Variants in VANGL1 observed in about 807,000 individuals in gnomAD.
VANGL1 encodes the protein VANGL planar cell polarity protein 1.
In VANGL1, 18 loss-of-function variants were observed where a neutral mutation model predicts 48.4. That is an observed-to-expected ratio of 0.37 (90% CI 0.26 to 0.55). The LOEUF is 0.55. Among genes scored for constraint, VANGL1 ranks in the 20% least tolerant of loss-of-function variants. The pLI is 0.81. For missense variants in VANGL1, 667 were observed against 675.8 expected (o/e 0.99, Z 0.14); for synonymous variants, 257 against 261.8 (o/e 0.98, Z 0.18).
intron 3 of VANGL1, among the ~76,000 whole-genome samples, chr1:115,660,927 C>A (rs982244471): frequency 6.6e-6 from 1 of 152,126 alleles, no homozygotes; most frequent in Non-Finnish European, 1.5e-5. Flanking sequence ...TGGGGCCAGT[C>A]TTAGGATTGG....
Position 115,692,927 on chromosome 1 carries a change from T to C in VANGL1, c.*1548T>C, listed in dbSNP as rs899160845. 2.0e-5 allele frequency: 3 copies of C among 152,270 alleles called. No homozygotes were observed. Among genetic ancestry groups the C allele is most frequent in the Non-Finnish European group, 4.4e-5 (3 of 68,066 alleles). 9.4% of individuals were successfully genotyped at this position (152,270 alleles called of 1,614,324 possible). ...GACATTGTCGAATGCTCTTTGTATGTGTGCACACCCCCTTACTCCCTTACT... is the reference window on the plus strand; with the variant it reads ...GACATTGTCGAATGCTCTTTGTATGCGTGCACACCCCCTTACTCCCTTACT... On this transcript the variant is annotated 3_prime_UTR_variant, in exon 8 of 8. Transcript: ENST00000355485.
intron 5 of VANGL1, among the ~76,000 whole-genome samples, chr1:115,683,580 T>C (rs1653471988): frequency 1.3e-5 from 2 of 152,226 alleles, no homozygotes; most frequent in Non-Finnish European, 1.5e-5. Flanking sequence ...AAATTTGATG[T>C]CCCAGCCGCC....
chr1:115,684,248 C>G (rs1018932206), intron 6 of VANGL1, among the ~76,000 whole-genome samples, 172 bp downstream of exon 6: 4 of 152,088 alleles, frequency 2.6e-5, no homozygotes, highest in Non-Finnish European at 5.9e-5. Flanking sequence ...CAGTGATTCT[C>G]ATGCCTCAGC....
In VANGL1 at chr1:115,663,941, T is replaced by C; in HGVS notation, c.485T>C (p.Ile162Thr). ...LFISMAFKLL[I>T]LLIGTWALFF... ...ATCTCCATGGCATTCAAACTCCTCA[T>C]TCTGCTCATAGGGACCTGGGCACTT... is the stretch of plus-strand genomic sequence containing the variant. The change falls in exon 4 of 8, where the codon ATT becomes ACT. Residue 162 changes from isoleucine to threonine, a missense_variant. By Grantham distance (89) the Ile-to-Thr change is moderately conservative. Transcript: ENST00000355485. 6.2e-7 allele frequency: 1 copy of C among 1,614,256 alleles called. No homozygotes were observed. Among genetic ancestry groups the C allele is most frequent in the Non-Finnish European group, 8.5e-7 (1 of 1,180,048 alleles).
intron 2 of VANGL1, among the ~76,000 whole-genome samples, chr1:115,653,920 C>T (rs1187717472): frequency 6.6e-6 from 1 of 152,128 alleles, no homozygotes; most frequent in Non-Finnish European, 1.5e-5. Flanking sequence ...AACACCACTA[C>T]CACCTACGGG....
At chr1:115,644,883 G>A (rs938869063) in intron 1 of VANGL1, among the ~76,000 whole-genome samples, 15 of 152,092 alleles carry the variant, frequency 9.9e-5, no homozygotes, top group African/African-American at 2.7e-4. Context: ...AATCATTGGC[G>A]AAACAAGTAA....
rs537782501 is a variant in VANGL1 at position 115,654,446 on chromosome 1, C to A, written c.71+2962C>A. On this transcript the variant is annotated intron_variant, in intron 2 of 7. Transcript: ENST00000355485. ...CCTGCTGACCCCGCCTAACTTTTGT[C>A]ATTGTGGTGTGGATGAGGGAAGCCT... is the stretch of plus-strand genomic sequence containing the variant. Among the ~76,000 whole-genome samples, 3 of 132,102 alleles carry A rather than the reference C, an allele frequency of 2.3e-5. No individual in the cohort carries two copies. In the Admixed American group the frequency reaches 2.5e-4, roughly 11 times the overall value. 86.7% of individuals were successfully genotyped at this position (132,102 alleles called of 152,430 possible). A position where few individuals can be genotyped will look rare whatever the true frequency, so the allele number is the denominator to read the frequency against.
At chr1:115,666,121 G>A (rs75223487) in intron 4 of VANGL1, among the ~76,000 whole-genome samples, 13,495 of 152,276 alleles carry the variant, frequency 0.089, 796 homozygotes, top group East Asian at 0.24. Context: ...GTGGAGATGA[G>A]TGATATTTGG....
intron 2 of VANGL1, among the ~76,000 whole-genome samples, chr1:115,658,420 G>A (rs1296172883): frequency 6.6e-6 from 1 of 152,200 alleles, no homozygotes; most frequent in Non-Finnish European, 1.5e-5. Context: ...CTGTGCATTA[G>A]CACTTACTCC....
At chr1:115,683,196 C>T (rs1490597580) in intron 5 of VANGL1, among the ~76,000 whole-genome samples, 3 of 152,138 alleles carry the variant, frequency 2.0e-5, no homozygotes, top group East Asian at 1.9e-4. Context: ...AGCTCCCTCA[C>T]GAAGCCTGAA....
intron 1 of VANGL1, among the ~76,000 whole-genome samples, chr1:115,645,286 A>AT (rs1651872672): frequency 6.6e-6 from 1 of 152,244 alleles, no homozygotes; most frequent in Non-Finnish European, 1.5e-5. Context: ...AAAAATGTGT[A>AT]TAAGTTCAGT....
At chr1:115,670,840 T>G (rs1457808314) in intron 4 of VANGL1, among the ~76,000 whole-genome samples, 1 of 152,200 alleles carries the variant, frequency 6.6e-6, no homozygotes, top group Non-Finnish European at 1.5e-5. Flanking sequence ...TTAGCTCCAC[T>G]CCATAGCAAA....
intron 4 of VANGL1, among the ~76,000 whole-genome samples, chr1:115,676,045 A>AT (rs996760747): frequency 1.3e-5 from 2 of 152,160 alleles, no homozygotes; most frequent in African/African-American, 2.4e-5. Flanking sequence ...TAATGCGATA[A>AT]TTTTTTGTGT....
intron 1 of VANGL1, among the ~76,000 whole-genome samples, chr1:115,644,654 C>G (rs1035914793): frequency 5.9e-5 from 9 of 152,146 alleles, no homozygotes; most frequent in African/African-American, 2.2e-4. Context: ...TCTGTACCAT[C>G]AGATTTACAG....
intron 5 of VANGL1, among the ~76,000 whole-genome samples, chr1:115,682,822 C>T (rs1265057478): frequency 6.6e-6 from 1 of 152,122 alleles, no homozygotes; most frequent in East Asian, 1.9e-4. Context: ...GCACATTACC[C>T]ACAAACTCAG....
In VANGL1 at chr1:115,651,327, AGGTTTT is replaced by A; in HGVS notation, c.-86_-81del. 7.8e-6 allele frequency: 9 copies of A among 1,151,894 alleles called. No homozygotes were observed. Among genetic ancestry groups the A allele is most frequent in the South Asian group, 1.3e-5 (1 of 78,284 alleles). The allele number at this position is 1,151,894 out of a possible 1,614,324, so 71.4% of individuals were successfully genotyped here. On this transcript the variant is annotated 5_prime_UTR_variant, in exon 2 of 8. Coordinates refer to ENST00000355485, the MANE Select transcript of VANGL1 (RefSeq NM_138959.3). Reference sequence around the variant, plus strand: ...CCTCTTCTAATTTCCAGACTCCTTGAGGTTTTAGGAGTCTGGTAGGTGAAATTTTCT... The same window carrying A: ...CCTCTTCTAATTTCCAGACTCCTTGAAGGAGTCTGGTAGGTGAAATTTTCT...
At chr1:115,679,416 G>T (rs1570766192) in intron 4 of VANGL1, among the ~76,000 whole-genome samples, 1 of 152,232 alleles carries the variant, frequency 6.6e-6, no homozygotes, top group Admixed American at 6.5e-5. Context: ...TGGGACGCCA[G>T]GACTTTGCTC....
At chr1:115,689,297 A>C (rs1443946402) in intron 7 of VANGL1, among the ~76,000 whole-genome samples, 1 of 136,418 alleles carries the variant, frequency 7.3e-6, no homozygotes, top group African/African-American at 2.8e-5. Flanking sequence ...TCCACAGATG[A>C]AAAAAATATA....
chr1:115,684,518 T>C (rs1165610202), intron 6 of VANGL1, among the ~76,000 whole-genome samples: 1 of 152,180 alleles, frequency 6.6e-6, no homozygotes, highest in Non-Finnish European at 1.5e-5. Flanking sequence ...TGGGACACCT[T>C]TGGAGTGCAC....
Sources: allele counts gnomAD v4.1 joint callset (sites outside exome capture counted in the v4.1 genomes callset), GRCh38; gene constraint gnomAD v4.1.1; transcripts MANE v1.5; gene names NCBI Gene and HGNC (gene_info 2026-07-23, HGNC 2026-07-21).